DYM: variants seen among roughly 807,000 people sequenced by gnomAD.
DYM encodes the protein dyggve-Melchior-Clausen syndrome protein.
A neutral mutation model predicts 93.1 loss-of-function variants in DYM; 78 were observed. The ratio of observed to expected loss-of-function variants is 0.84; its 90% CI spans 0.70 to 1.01. DYM has a LOEUF of 1.01. DYM is among the 50% of genes least tolerant of loss of function. The pLI is 0.00. For missense variants in DYM, 789 were observed against 845.0 expected (o/e 0.93, Z 0.82); for synonymous variants, 321 against 319.7 (o/e 1.00, Z -0.04).
chr18:49,295,768 C>A (rs975259150), intron 8 of DYM, among the ~76,000 whole-genome samples: 19 of 151,816 alleles, frequency 1.3e-4, no homozygotes, highest in Non-Finnish European at 5.9e-5. Flanking sequence ...TAAAAAAATT[C>A]TTGGCTCATC....
intron 6 of DYM, among the ~76,000 whole-genome samples, chr18:49,346,491 A>G (rs755011432): frequency 3.3e-5 from 5 of 152,180 alleles, no homozygotes; most frequent in Admixed American, 3.3e-4. Flanking sequence ...GGCCTGAAGT[A>G]GTCAGGCCCA....
chr18:49,070,940 T>C (rs959148806), intron 17 of DYM, among the ~76,000 whole-genome samples: 1 of 152,286 alleles, frequency 6.6e-6, no homozygotes, highest in African/African-American at 2.4e-5. Flanking sequence ...TTTGAAAAAC[T>C]CTCAATATTG....
At chr18:49,393,525 C>T (rs1374993784) in intron 2 of DYM, 1 of 152,326 alleles carries the variant, frequency 6.6e-6, no homozygotes, top group Non-Finnish European at 1.5e-5. Context: ...AATCCCAGCA[C>T]TTTGGGAGGC....
At chr18:49,403,536 A>C (rs1462239411) in intron 2 of DYM, among the ~76,000 whole-genome samples, 2 of 152,238 alleles carry the variant, frequency 1.3e-5, no homozygotes, top group Non-Finnish European at 2.9e-5. Flanking sequence ...TGATAAAGAA[A>C]ATACTAAGTG....
At position 49,221,408 on chromosome 18, in the gene DYM, A is replaced by G. The variant is rs578023728; in HGVS notation, c.1461-11693T>C. On this transcript the variant is annotated intron_variant, in intron 13 of 17. Coordinates refer to ENST00000675505, the MANE Select transcript of DYM (RefSeq NM_001353214.3). ...TGACCCAGTCATCACATTACTGGGTATATACCCAAAGGATTATAAATCATG... is the reference window on the plus strand; with the variant it reads ...TGACCCAGTCATCACATTACTGGGTGTATACCCAAAGGATTATAAATCATG... Among the ~76,000 whole-genome samples, 6 of 152,180 alleles carry G rather than the reference A, an allele frequency of 3.9e-5. No homozygotes were observed. The East Asian group carries it at 9.7e-4, about 24-fold the overall frequency.
chr18:49,051,657 T>A (rs1021920520), intron 17 of DYM, among the ~76,000 whole-genome samples: 1 of 152,216 alleles, frequency 6.6e-6, no homozygotes, highest in African/African-American at 2.4e-5. Context: ...TAGACATTTT[T>A]AAAGGCTAAG....
At chr18:49,278,218 T>C (rs2094892115) in intron 10 of DYM, among the ~76,000 whole-genome samples, 2 of 152,256 alleles carry the variant, frequency 1.3e-5, no homozygotes, top group African/African-American at 4.8e-5. Context: ...ATAGACTGCA[T>C]ATCACTGTAA....
chr18:49,289,266 A>G (rs2059863130), intron 8 of DYM, among the ~76,000 whole-genome samples: 1 of 152,112 alleles, frequency 6.6e-6, no homozygotes, highest in South Asian at 2.1e-4. Flanking sequence ...TCAAGAATAC[A>G]TGAAGAATAT....
chr18:49,392,674 T>C (rs2069407736), intron 2 of DYM, among the ~76,000 whole-genome samples: 1 of 108,610 alleles, frequency 9.2e-6, no homozygotes, highest in Admixed American at 1.2e-4. Flanking sequence ...TTGGGATGGC[T>C]TTTATTTAAA....
At chr18:49,429,215 C>CT (rs1480457045) in intron 2 of DYM, among the ~76,000 whole-genome samples, 1 of 152,242 alleles carries the variant, frequency 6.6e-6, no homozygotes, top group African/African-American at 2.4e-5. Context: ...CTTGTGATTA[C>CT]TTTGGGCCTG....
intron 6 of DYM, among the ~76,000 whole-genome samples, chr18:49,338,395 G>A (rs544553178): frequency 3.9e-5 from 6 of 152,118 alleles, no homozygotes; most frequent in Non-Finnish European, 8.8e-5. Context: ...ATTCTCACTC[G>A]ACTTTTTTGA....
chr18:49,070,040 C>G (rs1224105302), intron 17 of DYM, among the ~76,000 whole-genome samples: 1 of 152,134 alleles, frequency 6.6e-6, no homozygotes, highest in Middle Eastern at 3.2e-3. Flanking sequence ...GACTCTGTCT[C>G]AAAAACAGAC....
chr18:49,238,640 GCAA>G (rs1180833494), intron 13 of DYM, among the ~76,000 whole-genome samples: 1 of 151,958 alleles, frequency 6.6e-6, no homozygotes, highest in Non-Finnish European at 1.5e-5. Flanking sequence ...AAGTTATAGT[GCAA>G]CAGCACCACC....
At chr18:49,106,264 C>A (rs897065824) in intron 16 of DYM, among the ~76,000 whole-genome samples, 2 of 152,170 alleles carry the variant, frequency 1.3e-5, no homozygotes, top group Non-Finnish European at 2.9e-5. Context: ...CTTGGTAGAT[C>A]TTCCTCCATC....
intron 6 of DYM, among the ~76,000 whole-genome samples, chr18:49,352,308 T>A (rs2065180781): frequency 6.6e-6 from 1 of 152,186 alleles, no homozygotes; most frequent in Non-Finnish European, 1.5e-5. Flanking sequence ...TACAATTTTG[T>A]GAATATACTA....
intron 13 of DYM, among the ~76,000 whole-genome samples, chr18:49,213,865 T>C (rs2092908865): frequency 6.6e-6 from 1 of 152,186 alleles, no homozygotes; most frequent in Non-Finnish European, 1.5e-5. Flanking sequence ...AAATTTACTA[T>C]TTGGCATAAA....
chr18:49,258,821 CAG>C (rs1555664074), intron 11 of DYM, among the ~76,000 whole-genome samples: 2 of 134,368 alleles, frequency 1.5e-5, no homozygotes, highest in African/African-American at 5.7e-5. Flanking sequence ...CACACACACA[CAG>C]AGACACACAC....
intron 6 of DYM, among the ~76,000 whole-genome samples, chr18:49,357,061 C>A (rs1264127839): frequency 2.0e-5 from 3 of 152,200 alleles, no homozygotes; most frequent in Non-Finnish European, 4.4e-5. Flanking sequence ...CTCTGCTCAA[C>A]CTAATGTGCT....
intron 8 of DYM, among the ~76,000 whole-genome samples, chr18:49,297,114 T>C (rs906536306): frequency 6.6e-6 from 1 of 152,232 alleles, no homozygotes; most frequent in African/African-American, 2.4e-5. Context: ...AATATAGGTG[T>C]CAATTGGCTT....
Sources: gnomAD v4.1 joint callset for allele counts (sites outside exome capture counted in the v4.1 genomes callset) on GRCh38, gnomAD v4.1.1 for gene constraint, MANE v1.5 for transcripts, NCBI Gene and HGNC (gene_info 2026-07-23, HGNC 2026-07-21) for gene names.